Variants in TCF7 observed in about 807,000 individuals in gnomAD.
TCF7 encodes the protein transcription factor 7.
A neutral mutation model predicts 46.8 loss-of-function variants in TCF7; 19 were observed. That is an observed-to-expected ratio of 0.41 (90% CI 0.28 to 0.60). TCF7 has a LOEUF of 0.60. Among genes scored for constraint, TCF7 ranks in the 20% least tolerant of loss-of-function variants. The pLI is 0.35. For synonymous variants in TCF7, 245 were observed against 213.4 expected (o/e 1.15, Z -1.29); for missense variants, 547 against 504.6 (o/e 1.08, Z -0.81).
intron 3 of TCF7, among the ~76,000 whole-genome samples, chr5:134,126,000 A>G (rs3972624): frequency 0.15 from 23,000 of 152,274 alleles, 2,736 homozygotes; most frequent in African/African-American, 0.33. Context: ...AGCTATCAAA[A>G]GAAATAATAG....
At chr5:134,119,081 G>C (rs1230779521) in intron 3 of TCF7, among the ~76,000 whole-genome samples, 1 of 152,208 alleles carries the variant, frequency 6.6e-6, no homozygotes, top group Non-Finnish European at 1.5e-5. Context: ...ATCTTAGGCT[G>C]TACTTTGGGG....
intron 3 of TCF7, among the ~76,000 whole-genome samples, chr5:134,119,287 T>C (rs1275413308): frequency 2.0e-5 from 3 of 152,052 alleles, no homozygotes; most frequent in Non-Finnish European, 4.4e-5. Flanking sequence ...AATAGACACA[T>C]CCATAGAGAC....
rs575702906 is a variant in TCF7, at chr5:134,142,641, T to C, written c.756-80T>C. 2.1e-5 allele frequency: 33 copies of C among 1,561,328 alleles called. No homozygotes were observed. The East Asian group carries it at 5.8e-4, about 28-fold the overall frequency. On this transcript the variant is annotated intron_variant, in intron 6 of 9. Transcript: ENST00000342854. ...TGGTATCATACACTTAGGCACACTC[T>C]AGGCCCACGCTAGAGGAGGAGGCTG...
At chr5:134,128,326 C>G (rs1018653313) in intron 3 of TCF7, among the ~76,000 whole-genome samples, 1 of 152,196 alleles carries the variant, frequency 6.6e-6, no homozygotes, top group Non-Finnish European at 1.5e-5. Context: ...GGCTCCCATG[C>G]AGTTGGCACT....
chr5:134,144,584 C>T (rs974961285), intron 9 of TCF7: 1 of 569,190 alleles, frequency 1.8e-6, no homozygotes, highest in Non-Finnish European at 3.2e-6. Context: ...TACTGCGTAC[C>T]TGGGTGCCCA....
chr5:134,132,125 G>T (rs1019532997), intron 3 of TCF7, among the ~76,000 whole-genome samples: 2 of 152,234 alleles, frequency 1.3e-5, no homozygotes, highest in African/African-American at 2.4e-5. Context: ...GCCCTTTGCA[G>T]TGTCGTGGGT....
chr5:134,131,424 T>TGTC (rs1758112452), intron 3 of TCF7, among the ~76,000 whole-genome samples: 1 of 152,230 alleles, frequency 6.6e-6, no homozygotes, highest in Non-Finnish European at 1.5e-5. Context: ...CCCACCTTTC[T>TGTC]GTCTGGTCAG....
At chr5:134,120,296 A>G (rs1173477692) in intron 3 of TCF7, among the ~76,000 whole-genome samples, 2 of 152,152 alleles carry the variant, frequency 1.3e-5, no homozygotes, top group Non-Finnish European at 2.9e-5. Flanking sequence ...CCTCACCCCT[A>G]ACCCCCATCC....
intron 3 of TCF7, among the ~76,000 whole-genome samples, chr5:134,122,726 C>A (rs1756779017): frequency 6.6e-6 from 1 of 152,196 alleles, no homozygotes; most frequent in South Asian, 2.1e-4. Context: ...ACAGTCACAC[C>A]CCTCACACCT....
chr5:134,131,938 A>G (rs1758182613), intron 3 of TCF7, among the ~76,000 whole-genome samples: 1 of 152,238 alleles, frequency 6.6e-6, no homozygotes, highest in Non-Finnish European at 1.5e-5. Context: ...GTCATGCTCA[A>G]CTACTGCCAC....
chr5:134,119,171 A>C (rs949446984), intron 3 of TCF7, among the ~76,000 whole-genome samples: 12 of 152,104 alleles, frequency 7.9e-5, no homozygotes, highest in Admixed American at 2.0e-4. Flanking sequence ...TCATATCCAA[A>C]ATTGATATGA....
At chr5:134,138,446 CTG>C (rs779177844) in intron 4 of TCF7, among the ~76,000 whole-genome samples, 11 of 152,234 alleles carry the variant, frequency 7.2e-5, no homozygotes, top group Admixed American at 6.5e-4. Context: ...AACTGTAAAA[CTG>C]TAGCCTTTCC....
intron 3 of TCF7, among the ~76,000 whole-genome samples, chr5:134,127,533 C>T (rs1225395469): frequency 1.3e-5 from 2 of 152,162 alleles, no homozygotes; most frequent in African/African-American, 2.4e-5. Flanking sequence ...CTGTGTGATC[C>T]CGGGCTGGGC....
chr5:134,134,571 G>A (rs1758595637), intron 3 of TCF7, among the ~76,000 whole-genome samples: 2 of 152,162 alleles, frequency 1.3e-5, no homozygotes, highest in African/African-American at 4.8e-5. Context: ...ACACCCCAGG[G>A]GTTTCCAGGA....
chr5:134,142,333 G>GCAC, intron 6 of TCF7, 29 bp downstream of exon 6: 1 of 1,556,178 alleles, frequency 6.4e-7, no homozygotes, highest in Non-Finnish European at 8.7e-7. Flanking sequence ...ATGGCAGGGG[G>GCAC]TGTGTCAGTC....
intron 9 of TCF7, 146 bp from the exon 10 acceptor site, chr5:134,146,078 G>A: frequency 1.3e-6 from 2 of 1,588,526 alleles, no homozygotes; most frequent in Non-Finnish European, 8.5e-7. Flanking sequence ...CAGAATGGCA[G>A]TCTGAGGACA....
intron 3 of TCF7, among the ~76,000 whole-genome samples, chr5:134,127,160 G>A (rs989193838): frequency 6.6e-6 from 1 of 152,164 alleles, no homozygotes; most frequent in African/African-American, 2.4e-5. Context: ...TTCATAAGCT[G>A]GACCCAGCTG....
At position 134,115,378 on chromosome 5, in the gene TCF7, C is replaced by T. The variant is rs1348784095; in HGVS notation, c.307C>T (p.Leu103=). The change falls in exon 2 of 10, where the codon CTG becomes TTG. Residue 103 remains leucine, a synonymous_variant. Coordinates refer to ENST00000342854, the MANE Select transcript of TCF7 (RefSeq NM_003202.5). The part of the protein sequence containing the change: ...RLFPDKLPEP[L]EDGLKAPECT... ...CTTCCCGGACAAACTTCCAGAGCCCCTGGAGGACGGTGAGTTTCTGCCCGG... is the reference window on the plus strand; with the variant it reads ...CTTCCCGGACAAACTTCCAGAGCCCTTGGAGGACGGTGAGTTTCTGCCCGG... 6.2e-7 allele frequency: 1 copy of T among 1,602,456 alleles called. No homozygotes were observed. Among genetic ancestry groups the T allele is most frequent in the South Asian group, 1.1e-5 (1 of 88,986 alleles).
intron 3 of TCF7, among the ~76,000 whole-genome samples, chr5:134,117,361 G>T (rs1450104904): frequency 6.6e-6 from 1 of 152,198 alleles, no homozygotes; most frequent in Non-Finnish European, 1.5e-5. Flanking sequence ...GATGCGTTTT[G>T]GATCCCTACA....
Sources: allele counts gnomAD v4.1 joint callset (sites outside exome capture counted in the v4.1 genomes callset), GRCh38; gene constraint gnomAD v4.1.1; transcripts MANE v1.5; gene names NCBI Gene and HGNC (gene_info 2026-07-23, HGNC 2026-07-21).